SBF1: variants seen among roughly 807,000 people sequenced by gnomAD.
SBF1 encodes myotubularin-related protein 5.
In SBF1, 65 loss-of-function variants were observed where a neutral mutation model predicts 215.8. The observed-to-expected ratio is 0.30, with a 90% confidence interval of 0.25 to 0.37. The LOEUF (loss-of-function observed/expected upper bound fraction) is 0.37, where lower values mean the gene tolerates loss of function less well. SBF1 is among the 10% of genes least tolerant of loss of function. The pLI is 1.00. For synonymous variants in SBF1, 1,410 were observed against 1,122.8 expected (o/e 1.26, Z -5.11); for missense variants, 2,634 against 2,667.8 (o/e 0.99, Z 0.28).
chr22:50,450,701 G>A lies in SBF1; in HGVS notation c.5044-2051C>T, dbSNP rs549129853. Among the ~76,000 whole-genome samples the A allele has an allele frequency of 1.7e-4, 26 of 152,304 alleles. No homozygotes were observed. In the South Asian group the frequency reaches 5.2e-3, roughly 30 times the overall value. The stretch of plus-strand genomic sequence containing the variant: ...GCTCTATCCCTGGAGCTTCTCTAGA[G>A]GTGCTGGAGAGCTGCCCAAACAAAG... On this transcript the variant is annotated intron_variant, in intron 36 of 40. Coordinates refer to ENST00000380817, the MANE Select transcript of SBF1 (RefSeq NM_002972.4).
chr22:50,447,199 G>A lies in SBF1; in HGVS notation c.5625C>T (p.Asp1875=), dbSNP rs146489206. 3.4e-3 allele frequency: 5,473 copies of A among 1,613,808 alleles called. 21 individuals are homozygous for A. The highest frequency in any genetic ancestry group is 4.2e-3 in the Non-Finnish European group (4,921 of 1,179,986). The change falls in exon 41 of 41, where the codon GAC becomes GAT. Residue 1875 remains aspartate (D), a synonymous_variant. Transcript: ENST00000380817. ...CCACCCACTGCTGGGCCGAGGGCAC[G>A]TCCTGGGCACAGAAGTTGTAAACGC... ...TRRVYNFCAQ[D]VPSAQQWVDR...
At position 50,454,816 on chromosome 22, in the gene SBF1, C is replaced by G; in HGVS notation, c.4810G>C (p.Glu1604Gln). ...ACCCGACCCAGGCCCCAGCTTACCT[C>G]TGCGTCCTCGGGCGCATACATGTAA... Reference protein sequence around the residue: ...HNYMYAPEDAEVLRPYSNVSN... With the variant: ...HNYMYAPEDAQVLRPYSNVSN... The change falls in exon 35 of 41, where the codon GAG becomes CAG. Residue 1604 changes from glutamate to glutamine, a missense_variant and splice_region_variant. Transcript: ENST00000380817. 1 of 1,613,928 alleles carries G rather than the reference C, an allele frequency of 6.2e-7. No individual in the cohort carries two copies. Among genetic ancestry groups the G allele is most frequent in the South Asian group, 1.1e-5 (1 of 91,086 alleles).
chr22:50,461,435 G>A, intron 22 of SBF1, 88 bp downstream of exon 22: 4 of 1,500,924 alleles, frequency 2.7e-6, no homozygotes, highest in Admixed American at 2.2e-5. Context: ...GAACCCCCGA[G>A]AAAAGGGAGA....
chr22:50,448,483 A>G, intron 37 of SBF1, 39 bp from the exon 38 acceptor site: 1 of 1,608,932 alleles, frequency 6.2e-7, no homozygotes, highest in Non-Finnish European at 8.5e-7. Flanking sequence ...AGGGCTGGAC[A>G]GACTCCACTT....
chr22:50,466,358 G>A lies in SBF1; in HGVS notation c.780C>T (p.Leu260=), dbSNP rs2067755169. Residue 260 remains leucine (L), a synonymous_variant, in exon 7 of 41, where the codon CTC becomes CTT. Coordinates refer to ENST00000380817, the MANE Select transcript of SBF1 (RefSeq NM_002972.4). ...GGCCGGGCAGGGGTCACCTGTATCT[G>A]AGAGGAAACAGCAGTGCCAGGAGGC... ...CRGLLALLFP[L]RYSFTYVPIL... 1.3e-6 allele frequency: 2 copies of A among 1,568,324 alleles called. No individual in the cohort carries two copies. Among genetic ancestry groups the A allele is most frequent in the Admixed American group, 1.9e-5 (1 of 52,556 alleles).
Position 50,462,643 on chromosome 22 carries a change from G to A in SBF1, c.2043C>T (p.Phe681=), listed in dbSNP as rs771995037. ...CATCCCCATAGAACATGGCCTCCCA[G>A]AACTGTGGCGTGCTCCACACCACGT... ...QEHVVWSTPQ[F]WEAMFYGDVQ... Residue 681 remains phenylalanine (F), a synonymous_variant, in exon 18 of 41, where the codon TTC becomes TTT. Transcript: ENST00000380817. 1.4e-5 allele frequency: 23 copies of A among 1,612,706 alleles called. No homozygotes were observed. In the East Asian group the frequency reaches 3.6e-4, roughly 25 times the overall value.
chr22:50,472,061 G>C (rs1358231169), intron 1 of SBF1, among the ~76,000 whole-genome samples: 1 of 152,320 alleles, frequency 6.6e-6, no homozygotes, highest in African/African-American at 2.4e-5. Flanking sequence ...ATCAGGCCAA[G>C]AGCCGGGCAG....
chr22:50,474,682 GC>G, intron 1 of SBF1, 103 bp downstream of exon 1: 1 of 710,146 alleles, frequency 1.4e-6, no homozygotes, highest in Non-Finnish European at 2.0e-6. Context: ...CCAGCCCCCA[GC>G]CCTCGGCCCC....
At chr22:50,450,475 T>C (rs1438862251) in intron 36 of SBF1, among the ~76,000 whole-genome samples, 3 of 147,130 alleles carry the variant, frequency 2.0e-5, no homozygotes, top group African/African-American at 5.0e-5. Flanking sequence ...GAGCCGAGAG[T>C]GCGCCACTGC....
At chr22:50,468,014 A>G (rs1242808698) in intron 2 of SBF1, 91 bp from the exon 3 acceptor site, 4 of 1,487,870 alleles carry the variant, frequency 2.7e-6, no homozygotes, top group Non-Finnish European at 3.7e-6. Context: ...CCAGGCCTGG[A>G]GGCTCCAACA....
intron 28 of SBF1, among the ~76,000 whole-genome samples, chr22:50,458,885 A>G (rs8137142): frequency 0.03 from 4,583 of 152,266 alleles, 225 homozygotes; most frequent in African/African-American, 0.11. Flanking sequence ...AAACAGTGAC[A>G]CTGGGAGGGA....
In SBF1 at chr22:50,467,428, A is replaced by G. The variant is rs2067815307; in HGVS notation, c.459T>C (p.Tyr153=). The G allele has an allele frequency of 1.1e-5, 18 of 1,614,072 alleles. No homozygotes were observed. Among genetic ancestry groups the G allele is most frequent in the Non-Finnish European group, 1.4e-5 (17 of 1,180,026 alleles). Residue 153 remains tyrosine (Y), a synonymous_variant, in exon 5 of 41, where the codon TAT becomes TAC. Transcript: ENST00000380817. ...EVFRNSLGLI[Y]AIHVEGLNVC... is the part of the protein sequence containing the mutation. ...CATTCAGGCCCTCCACGTGGATGGC[A>G]TAGATGAGGCCAAGGCTGTTCTGCA...
Position 50,465,287 on chromosome 22 carries a change from C to G in SBF1, c.1131G>C (p.Gln377His), listed in dbSNP as rs1442820560. The change falls in exon 11 of 41, where the codon CAG (glutamine) becomes CAC (histidine). Residue 377 changes from glutamine to histidine, a missense_variant. Coordinates refer to ENST00000380817, the MANE Select transcript of SBF1 (RefSeq NM_002972.4). ...GGCACCAGCGATAGCCCTGCAGCAG[C>G]TGAGCGAACAGCCGCAGGAAGACCG... ...LRAVFLRLFA[Q>H]LLQGYRWCLH... 6.2e-7 allele frequency: 1 copy of G among 1,608,518 alleles called. No homozygotes were observed. The highest frequency in any genetic ancestry group is 2.2e-5 in the East Asian group (1 of 44,652).
In SBF1 at chr22:50,455,428, G is replaced by A. The variant is rs770061123; in HGVS notation, c.4369-19C>T. ...ATACCACCTGCCAGCACCGCCAGGA[G>A]GTCAGCGAGGAGCCCGGGAGCCTGG... On this transcript the variant is annotated intron_variant, in intron 32 of 40. Coordinates refer to ENST00000380817, the MANE Select transcript of SBF1 (RefSeq NM_002972.4). 1.2e-5 allele frequency: 20 copies of A among 1,612,348 alleles called. No homozygotes were observed. The highest frequency in any genetic ancestry group is 1.7e-4 in the Middle Eastern group (1 of 6,054).
Position 50,455,562 on chromosome 22 carries a change from C to T in SBF1, c.4287G>A (p.Val1429=). The stretch of plus-strand genomic sequence containing the variant: ...CCAGGAGCTCCACCACCAGCACAGA[C>T]ACCTGCAGCAGCTTGTGGATCTGCA... ...WLIQIHKLLQ[V]SVLVVELLDS... Residue 1429 remains valine, a synonymous_variant, in exon 32 of 41, where the codon GTG becomes GTA. Transcript: ENST00000380817. 1 of 1,586,342 alleles carries T rather than the reference C, an allele frequency of 6.3e-7. No individual in the cohort carries two copies.
intron 1 of SBF1, among the ~76,000 whole-genome samples, chr22:50,470,447 A>C (rs991889256): frequency 6.6e-6 from 1 of 152,024 alleles, no homozygotes; most frequent in Non-Finnish European, 1.5e-5. Flanking sequence ...CTACCCTCCA[A>C]AGAGCCAGCC....
chr22:50,462,263 G>C lies in SBF1; in HGVS notation c.2338C>G (p.Arg780Gly). The C allele has an allele frequency of 6.2e-7, 1 of 1,611,366 alleles. No individual in the cohort carries two copies. Among genetic ancestry groups the C allele is most frequent in the South Asian group, 1.1e-5 (1 of 91,088 alleles). ...PLDSSKSRLL[R>G]ERAGLGDLES... is the part of the protein sequence containing the mutation. ...AGGTCGCCCAGCCCGGCACGCTCCC[G>C]AAGTAGGCGGCTCTTGCTGCTGTCC... The change falls in exon 19 of 41, where the codon CGG becomes GGG. Residue 780 changes from arginine (R) to glycine (G), a missense_variant. Physicochemically the swap from Arg to Gly is moderately radical, Grantham distance 125. Coordinates refer to ENST00000380817, the MANE Select transcript of SBF1 (RefSeq NM_002972.4).
At chr22:50,473,204 A>G (rs1322393472) in intron 1 of SBF1, among the ~76,000 whole-genome samples, 1 of 151,496 alleles carries the variant, frequency 6.6e-6, no homozygotes, top group Non-Finnish European at 1.5e-5. Flanking sequence ...CCCTCTCCAC[A>G]CTGCCCTCAG....
rs1452044278 is a variant in SBF1 at position 50,474,806 on chromosome 22, G to A, written c.35C>T (p.Ala12Val). ...CTCACCGCGCGGGTGCGGCCCGAACGCCACCAGCACGAAGTAGTCCGCGAG... is the reference window on the plus strand; with the variant it reads ...CTCACCGCGCGGGTGCGGCCCGAACACCACCAGCACGAAGTAGTCCGCGAG... Reference protein sequence around the residue: ...ARLADYFVLVAFGPHPRGSGE... With the variant: ...ARLADYFVLVVFGPHPRGSGE... Residue 12 changes from alanine (A) to valine (V), a missense_variant, in exon 1 of 41, where the codon GCG becomes GTG. By Grantham distance (64) the Ala-to-Val change is moderately conservative. Transcript: ENST00000380817. The A allele has an allele frequency of 3.4e-6, 5 of 1,457,044 alleles. No individual in the cohort carries two copies. Among genetic ancestry groups the A allele is most frequent in the East Asian group, 3.1e-5 (1 of 32,008 alleles). The allele number at this position is 1,457,044 out of a possible 1,614,324, so 90.3% of individuals were successfully genotyped here.
Sources: allele counts gnomAD v4.1 joint callset (sites outside exome capture counted in the v4.1 genomes callset), GRCh38; gene constraint gnomAD v4.1.1; transcripts MANE v1.5; gene names NCBI Gene and HGNC (gene_info 2026-07-23, HGNC 2026-07-21).